IMP4: variants seen among roughly 807,000 people sequenced by gnomAD.
The protein encoded by IMP4 is U3 small nucleolar ribonucleoprotein IMP4.
Under a neutral mutation model 42.7 loss-of-function variants are expected in IMP4, and 30 were observed. The observed-to-expected ratio is 0.70, with a 90% CI of 0.53 to 0.95. The LOEUF is 0.95. Among genes scored for constraint, IMP4 ranks in the 40% least tolerant of loss-of-function variants. The probability of loss-of-function intolerance (pLI) is 0.00; values close to 1 mark genes in which losing one functional copy is unlikely to be tolerated. For missense variants in IMP4, 382 were observed against 411.4 expected, an observed-to-expected ratio of 0.93 and a Z score of 0.62; for synonymous variants, 165 against 165.2, an observed-to-expected ratio of 1.00 and a Z score of 0.01.
chr2:130,346,148 C>T lies in IMP4; in HGVS notation c.689+36C>T, dbSNP rs549146987. 5.6e-6 allele frequency: 9 copies of T among 1,612,490 alleles called. No individual in the cohort carries two copies. In the East Asian group the frequency reaches 2.0e-4, roughly 36 times the overall value. On this transcript the variant is annotated intron_variant, in intron 7 of 8. Coordinates refer to ENST00000259239, the MANE Select transcript of IMP4 (RefSeq NM_033416.3). ...GGGCCATGCCCCAGGAAAGCATCCCCACCCTGTGTACCTCGTGCTGCTTGC... is the reference window on the plus strand; with the variant it reads ...GGGCCATGCCCCAGGAAAGCATCCCTACCCTGTGTACCTCGTGCTGCTTGC...
chr2:130,344,768 C>CTCAGACACACCGGGCA, intron 3 of IMP4, 56 bp downstream of exon 3: 2 of 1,164,512 alleles, frequency 1.7e-6, no homozygotes, highest in Non-Finnish European at 2.6e-6. Context: ...CCAGTCCTTC[C>CTCAGACACACCGGGCA]TCAGACACAC....
In IMP4 at chr2:130,346,267, G is replaced by A. The variant is rs975598907; in HGVS notation, c.756G>A (p.Glu252=). 3.1e-6 allele frequency: 5 copies of A among 1,614,028 alleles called. No homozygotes were observed. Among genetic ancestry groups the A allele is most frequent in the African/African-American group, 1.3e-5 (1 of 74,926 alleles). Residue 252 remains glutamate (E), a synonymous_variant, in exon 8 of 9, where the codon GAG becomes GAA. Transcript: ENST00000259239. ...TCACTGAGGTCGGGCCCCGCTTTGAGCTGAAGCGTGAGTTTGAGGCTGAAT... is the reference window on the plus strand; with the variant it reads ...TCACTGAGGTCGGGCCCCGCTTTGAACTGAAGCGTGAGTTTGAGGCTGAAT... ...VELTEVGPRF[E]LKLYMIRLGT...
Position 130,345,124 on chromosome 2 carries a change from AGTAGCT to A in IMP4, c.197-250_197-245del, listed in dbSNP as rs1484977294. Reference sequence around the variant, plus strand: ...GAGTGTGGATTTCGTTGTGTAATGGAGTAGCTGCTTAGCCCCATGTGACTAATATAG... The same window carrying A: ...GAGTGTGGATTTCGTTGTGTAATGGAGCTTAGCCCCATGTGACTAATATAG... On this transcript the variant is annotated intron_variant, in intron 3 of 8. Coordinates refer to ENST00000259239, the MANE Select transcript of IMP4 (RefSeq NM_033416.3). The surrounding 1 kb of genome is among the most constrained non-coding windows in gnomAD (Gnocchi z 4.9). 8.3e-5 allele frequency: 48 copies of A among 577,300 alleles called. 1 individual carries two copies. Among genetic ancestry groups the A allele is most frequent in the Non-Finnish European group, 1.3e-4 (42 of 322,698 alleles). The allele number at this position is 577,300 out of a possible 1,614,324, so 35.8% of individuals were successfully genotyped here. A position where few individuals can be genotyped will look rare whatever the true frequency, so the allele number is the denominator to read the frequency against.
Position 130,345,704 on chromosome 2 carries a change from G to A in IMP4, c.439+5G>A. On this transcript the variant is annotated splice_donor_5th_base_variant and intron_variant, in intron 5 of 8. Coordinates refer to ENST00000259239, the MANE Select transcript of IMP4 (RefSeq NM_033416.3). The surrounding 1 kb of genome is among the most constrained non-coding windows in gnomAD (Gnocchi z 4.9). ...ACGAGCATCGGGGCACACCTGGTAAGGCCGGAGGGAGGGAGTCGGGGTGGG... is the reference window on the plus strand; with the variant it reads ...ACGAGCATCGGGGCACACCTGGTAAAGCCGGAGGGAGGGAGTCGGGGTGGG... 1 of 1,613,568 alleles carries A rather than the reference G, an allele frequency of 6.2e-7. No homozygotes were observed. The highest frequency in any genetic ancestry group is 8.5e-7 in the Non-Finnish European group (1 of 1,180,038).
Position 130,346,592 on chromosome 2 carries a change from G to A in IMP4, c.*124G>A, listed in dbSNP as rs1679595989. On this transcript the variant is annotated 3_prime_UTR_variant, in exon 9 of 9. Transcript: ENST00000259239. ...ACTGGGATGTGGAACTGTGGCGGGT[G>A]GAGAGGTCTGAATAAACCGTCTGTG... 2.6e-6 allele frequency: 2 copies of A among 756,420 alleles called. No homozygotes were observed. Among genetic ancestry groups the A allele is most frequent in the Non-Finnish European group, 4.5e-6 (2 of 447,430 alleles). The allele number at this position is 756,420 out of a possible 1,614,324, so 46.9% of individuals were successfully genotyped here. A position where few individuals can be genotyped will look rare whatever the true frequency, so the allele number is the denominator to read the frequency against.
In IMP4 at chr2:130,343,133, C is replaced by T. The variant is rs1244387909; in HGVS notation, c.51C>T (p.Ala17=). The part of the protein sequence containing the change: ...RLRREYLYRK[A]REEAQRSAQE... Reference sequence around the variant, plus strand: ...GCCGCGAGTACCTGTACCGCAAGGCCCGGGAGGAGGCGCAGCGCTCAGCCC... The same window carrying T: ...GCCGCGAGTACCTGTACCGCAAGGCTCGGGAGGAGGCGCAGCGCTCAGCCC... Residue 17 remains alanine (A), a synonymous_variant, in exon 2 of 9, where the codon GCC becomes GCT. Coordinates refer to ENST00000259239, the MANE Select transcript of IMP4 (RefSeq NM_033416.3). The T allele has an allele frequency of 1.5e-5, 24 of 1,553,574 alleles. No individual in the cohort carries two copies. Among genetic ancestry groups the T allele is most frequent in the African/African-American group, 2.7e-5 (2 of 73,122 alleles).
Position 130,347,593 on chromosome 2 carries a change from A to G in IMP4, c.*1125A>G, listed in dbSNP as rs1679671937. The G allele has an allele frequency of 6.6e-6, 1 of 152,228 alleles. No homozygotes were observed. The highest frequency in any genetic ancestry group is 1.5e-5 in the Non-Finnish European group (1 of 68,058). 9.4% of individuals were successfully genotyped at this position (152,228 alleles called of 1,614,324 possible). A position where few individuals can be genotyped will look rare whatever the true frequency, so the allele number is the denominator to read the frequency against. On this transcript the variant is annotated 3_prime_UTR_variant, in exon 9 of 9. Coordinates refer to ENST00000259239, the MANE Select transcript of IMP4 (RefSeq NM_033416.3). ...AGGTCAACAGTTTAGGGAAGCGATTAGGTCCTGAGGACTCTGCCCTCTTGC... is the reference window on the plus strand; with the variant it reads ...AGGTCAACAGTTTAGGGAAGCGATTGGGTCCTGAGGACTCTGCCCTCTTGC...
At position 130,343,055 on chromosome 2, in the gene IMP4, T is replaced by A. The variant is rs769615550; in HGVS notation, c.4-31T>A. 14 of 1,594,274 alleles carry A rather than the reference T, an allele frequency of 8.8e-6. No homozygotes were observed. In the East Asian group the frequency reaches 2.9e-4, roughly 33 times the overall value. On this transcript the variant is annotated intron_variant, in intron 1 of 8. Transcript: ENST00000259239. The stretch of plus-strand genomic sequence containing the variant: ...CGGGGTTCCGGGGCTCGGGAGCGAG[T>A]AGTGAGTGACTGGGCCTGCTGTTCC...
At position 130,347,812 on chromosome 2, in the gene IMP4, C is replaced by A. The variant is rs541364605; in HGVS notation, c.*1344C>A. 6.5e-6 allele frequency: 1 copy of A among 152,820 alleles called. No individual in the cohort carries two copies. Among genetic ancestry groups the A allele is most frequent in the African/African-American group, 2.4e-5 (1 of 41,578 alleles). 9.5% of individuals were successfully genotyped at this position (152,820 alleles called of 1,614,324 possible). On this transcript the variant is annotated 3_prime_UTR_variant, in exon 9 of 9. Transcript: ENST00000259239. ...AATAAATGCCTGTTGTTTAAGCTAC[C>A]CAGTCTGTGGTATTTTGTTAGAACA...
chr2:130,345,786 C>T lies in IMP4; in HGVS notation c.447C>T (p.Leu149=), dbSNP rs983019930. 3.7e-6 allele frequency: 6 copies of T among 1,613,540 alleles called. No individual in the cohort carries two copies. The African/African-American group carries it at 6.7e-5, about 18-fold the overall frequency. The change falls in exon 6 of 9, where the codon CTC becomes CTT. Residue 149 remains leucine (L), a synonymous_variant. Transcript: ENST00000259239. This position sits in a 1 kb window ranked among gnomAD's most constrained non-coding sequence, Gnocchi z 4.9. The stretch of plus-strand genomic sequence containing the variant: ...GCCACCTTTCCCCGCCAGTGGGGCT[C>T]ATCGTCAGCCACCTGCCCTTTGGTC... ...VHEHRGTPVG[L]IVSHLPFGPT...
intron 2 of IMP4, 112 bp downstream of exon 2, chr2:130,343,306 G>C (rs928198458): frequency 2.6e-6 from 2 of 781,818 alleles, no homozygotes; most frequent in Non-Finnish European, 4.5e-6. Context: ...CTTGCCCATT[G>C]GGTTCTCCTG....
Position 130,343,193 on chromosome 2 carries a change from A to G in IMP4, c.111A>G (p.Glu37=), listed in dbSNP as rs1043085989. ...AGGAGCGGCTGCGGCGCGCGCTGGA[A>G]GGTAAGGCATCGGCCCCGCGGGCGT... is the stretch of plus-strand genomic sequence containing the variant. ...ERKERLRRAL[E]ENRLIPTELR... Residue 37 remains glutamate, a splice_region_variant and synonymous_variant, in exon 2 of 9, where the codon GAA becomes GAG. Coordinates refer to ENST00000259239, the MANE Select transcript of IMP4 (RefSeq NM_033416.3). 11 of 1,545,628 alleles carry G rather than the reference A, an allele frequency of 7.1e-6. No homozygotes were observed. Among genetic ancestry groups the G allele is most frequent in the African/African-American group, 2.7e-5 (2 of 72,904 alleles).
At chr2:130,343,351 T>A (rs867739597) in intron 2 of IMP4, 157 bp downstream of exon 2, 1 of 724,622 alleles carries the variant, frequency 1.4e-6, no homozygotes. Flanking sequence ...TGTGATGGTA[T>A]TAATTACTTG....
intron 2 of IMP4, among the ~76,000 whole-genome samples, chr2:130,344,220 C>G (rs986961633): frequency 2.0e-5 from 3 of 151,868 alleles, no homozygotes; most frequent in Non-Finnish European, 4.4e-5. Context: ...CCCAGCTACT[C>G]GCCAGCCTGA....
At position 130,345,139 on chromosome 2, in the gene IMP4, C is replaced by T. The variant is rs979280207; in HGVS notation, c.197-237C>T. ...TGTGTAATGGAGTAGCTGCTTAGCC[C>T]CATGTGACTAATATAGCTTAAGCAA... is the stretch of plus-strand genomic sequence containing the variant. On this transcript the variant is annotated intron_variant, in intron 3 of 8. Transcript: ENST00000259239. The surrounding 1 kb of genome is among the most constrained non-coding windows in gnomAD (Gnocchi z 4.9). 8.6e-6 allele frequency: 5 copies of T among 584,400 alleles called. No homozygotes were observed. Among genetic ancestry groups the T allele is most frequent in the African/African-American group, 3.7e-5 (2 of 53,598 alleles). 36.2% of individuals were successfully genotyped at this position (584,400 alleles called of 1,614,324 possible).
rs1191030586 is a variant in IMP4, at chr2:130,345,721, C to T, written c.439+22C>T. 9 of 1,612,540 alleles carry T rather than the reference C, an allele frequency of 5.6e-6. No individual in the cohort carries two copies. The highest frequency in any genetic ancestry group is 5.3e-5 in the African/African-American group (4 of 74,918). ...CCTGGTAAGGCCGGAGGGAGGGAGT[C>T]GGGGTGGGAGCCGTCTGAGGGCAGA... On this transcript the variant is annotated intron_variant, in intron 5 of 8. Coordinates refer to ENST00000259239, the MANE Select transcript of IMP4 (RefSeq NM_033416.3). The surrounding 1 kb of genome is among the most constrained non-coding windows in gnomAD (Gnocchi z 4.9).
At chr2:130,343,407 GCA>G in intron 2 of IMP4, 1 of 712,422 alleles carries the variant, frequency 1.4e-6, no homozygotes, top group Non-Finnish European at 2.6e-6. Context: ...CCCGCTGTGT[GCA>G]GTGTGTCAAG....
rs748585248 is a variant in IMP4, at chr2:130,344,726, G to C, written c.196+14G>C. ...CTGGAGGTGAAGGTAACTATACAAG[G>C]TAGCCCTCCCCAACACTGAGCTGGC... is the stretch of plus-strand genomic sequence containing the variant. On this transcript the variant is annotated intron_variant, in intron 3 of 8. Transcript: ENST00000259239. 4 of 1,583,036 alleles carry C rather than the reference G, an allele frequency of 2.5e-6. No individual in the cohort carries two copies. The African/African-American group carries it at 4.0e-5, about 16-fold the overall frequency.
chr2:130,347,058 A>G lies in IMP4; in HGVS notation c.*590A>G, dbSNP rs983345231. The G allele has an allele frequency of 1.3e-5, 2 of 156,622 alleles. No individual in the cohort carries two copies. The highest frequency in any genetic ancestry group is 4.8e-5 in the African/African-American group (2 of 41,452). 9.7% of individuals were successfully genotyped at this position (156,622 alleles called of 1,614,324 possible). On this transcript the variant is annotated 3_prime_UTR_variant, in exon 9 of 9. Coordinates refer to ENST00000259239, the MANE Select transcript of IMP4 (RefSeq NM_033416.3). Reference sequence around the variant, plus strand: ...TTCCTTGTAAAAAATAACATGCCACATTTTCTTACCAATCCGTCCACCAAT... The same window carrying G: ...TTCCTTGTAAAAAATAACATGCCACGTTTTCTTACCAATCCGTCCACCAAT...
Sources: allele counts gnomAD v4.1 joint callset (sites outside exome capture counted in the v4.1 genomes callset), GRCh38; gene constraint gnomAD v4.1.1; non-coding constraint Gnocchi (gnomAD v3.1); transcripts MANE v1.5; gene names NCBI Gene and HGNC (gene_info 2026-07-23, HGNC 2026-07-21).